Variants in ZFHX3 observed in about 807,000 individuals in gnomAD.
The protein encoded by ZFHX3 is zinc finger homeobox 3.
ZFHX3 carries 42 observed loss-of-function variants against 279.1 expected under a neutral mutation model. The observed-to-expected ratio is 0.15, with a 90% CI of 0.12 to 0.19. The LOEUF (loss-of-function observed/expected upper bound fraction) is 0.19, where lower values mean the gene tolerates loss of function less well. Ranked by LOEUF, ZFHX3 falls within the 10% of genes least tolerant of loss-of-function variation. ZFHX3 has a pLI of 1.00. For missense variants in ZFHX3, 4,981 were observed against 4,754.0 expected (o/e 1.05, Z -1.40); for synonymous variants, 2,293 against 1,957.8 (o/e 1.17, Z -4.52).
chr16:73,325,747 G>GA lies in ZFHX3; in HGVS notation c.-1290-7412dup, dbSNP rs142285994. ...TCACCTCCAAGAATGATACCGTTAG[G>GA]AAAAAAAAATCCAGCAATATCAAAG... is the stretch of plus-strand genomic sequence containing the variant. On this transcript the variant is annotated intron_variant, in intron 3 of 17. Transcript: ENST00000641206. Among the ~76,000 whole-genome samples the GA allele has an allele frequency of 6.1e-3, 924 of 150,854 alleles. 6 individuals are homozygous for GA. The highest frequency in any genetic ancestry group is 0.041 in the Middle Eastern group (12 of 294).
chr16:72,905,251 T>C (rs1429108060), intron 3 of ZFHX3, among the ~76,000 whole-genome samples: 6 of 152,178 alleles, frequency 3.9e-5, no homozygotes, highest in Non-Finnish European at 7.3e-5. Flanking sequence ...CTAATATTTA[T>C]TGCTTGTTTA....
At chr16:73,726,011 G>A (rs969801096) in intron 1 of ZFHX3, among the ~76,000 whole-genome samples, 10 of 152,240 alleles carry the variant, frequency 6.6e-5, no homozygotes, top group Non-Finnish European at 1.3e-4. Flanking sequence ...TCAAGGGGAG[G>A]GTAGACAGGT....
At chr16:72,877,285 C>G (rs556115816) in intron 4 of ZFHX3, among the ~76,000 whole-genome samples, 1 of 152,188 alleles carries the variant, frequency 6.6e-6, no homozygotes, top group African/African-American at 2.4e-5. Context: ...CCTCAAGAAT[C>G]GGATAATGAC....
chr16:72,801,418 C>T (rs951261097), intron 7 of ZFHX3, among the ~76,000 whole-genome samples: 2 of 152,120 alleles, frequency 1.3e-5, no homozygotes, highest in African/African-American at 4.8e-5. Flanking sequence ...CAGCCTTGCT[C>T]AAAATAGCTA....
intron 1 of ZFHX3, among the ~76,000 whole-genome samples, chr16:73,024,848 C>T (rs953947958): frequency 2.6e-5 from 4 of 152,178 alleles, no homozygotes; most frequent in African/African-American, 9.7e-5. Flanking sequence ...TCTGGCTGTG[C>T]CGGATCCCAC....
chr16:73,130,758 C>A (rs970675353), intron 7 of ZFHX3, among the ~76,000 whole-genome samples: 13 of 152,202 alleles, frequency 8.5e-5, no homozygotes, highest in African/African-American at 2.4e-4. Flanking sequence ...CAGGCACCTG[C>A]CACCAAGCCT....
At chr16:72,967,909 C>G (rs1332592320) in intron 1 of ZFHX3, among the ~76,000 whole-genome samples, 6 of 136,004 alleles carry the variant, frequency 4.4e-5, no homozygotes, top group South Asian at 2.4e-4. Flanking sequence ...TCCTGGGTGA[C>G]AGAGAGAGAC....
intron 1 of ZFHX3, among the ~76,000 whole-genome samples, chr16:73,738,382 G>C (rs2053626380): frequency 6.6e-6 from 1 of 152,214 alleles, no homozygotes; most frequent in Non-Finnish European, 1.5e-5. Context: ...CGACTAAAAT[G>C]AGCTGAAGCC....
At chr16:73,807,766 C>T (rs1018947787) in intron 1 of ZFHX3, among the ~76,000 whole-genome samples, 1 of 151,744 alleles carries the variant, frequency 6.6e-6, no homozygotes, top group African/African-American at 2.4e-5. Flanking sequence ...CCACTGCACC[C>T]AGCCAAAGTA....
At chr16:73,175,381 A>AAAAC (rs111246395) in intron 5 of ZFHX3, among the ~76,000 whole-genome samples, 43,890 of 150,412 alleles carry the variant, frequency 0.29, 6,717 homozygotes, top group East Asian at 0.46. Flanking sequence ...CTATGTCTCC[A>AAAAC]AAACAAACAA....
At chr16:72,900,692 T>C (rs530393569) in intron 3 of ZFHX3, among the ~76,000 whole-genome samples, 2 of 152,308 alleles carry the variant, frequency 1.3e-5, no homozygotes, top group Admixed American at 6.5e-5. Flanking sequence ...CTGGGAGGCA[T>C]GCTACGCCCT....
At chr16:73,732,683 T>A (rs1005076451) in intron 1 of ZFHX3, among the ~76,000 whole-genome samples, 4 of 152,254 alleles carry the variant, frequency 2.6e-5, no homozygotes, top group African/African-American at 9.6e-5. Flanking sequence ...TGTTAGCCTG[T>A]ATCTCTTTTC....
Position 72,896,790 on chromosome 16 carries a change from G to C in ZFHX3, c.3217-6828C>G, listed in dbSNP as rs139216139. 3.9e-3 allele frequency among the ~76,000 whole-genome samples: 601 copies of C among 152,304 alleles called. 1 individual carries two copies. Among genetic ancestry groups the C allele is most frequent in the Admixed American group, 8.8e-3 (135 of 15,304 alleles). ...AAACTTCTAACATCTGGTTCCTCAT[G>C]CATGGAATGCAAAATATTGATCAGG... On this transcript the variant is annotated intron_variant, in intron 3 of 9. Coordinates refer to ENST00000268489, the MANE Select transcript of ZFHX3 (RefSeq NM_006885.4).
chr16:73,237,461 A>G (rs1477878472), intron 5 of ZFHX3, among the ~76,000 whole-genome samples: 1 of 145,596 alleles, frequency 6.9e-6, no homozygotes, highest in Non-Finnish European at 1.5e-5. Context: ...CTGGACTGAG[A>G]CTCCTGCCCT....
rs1036157650 is a variant in ZFHX3, at chr16:73,413,788, G to C, written c.-1291+42215C>G. ...ATTTGATTTGGAAATTTTTCTACAC[G>C]TATGTAATGAGTTCAAGGTCAAAGA... On this transcript the variant is annotated intron_variant, in intron 3 of 17. Coordinates refer to the ZFHX3 transcript ENST00000641206. Among the ~76,000 whole-genome samples the C allele has an allele frequency of 2.4e-4, 36 of 152,148 alleles. 1 individual carries two copies. Among genetic ancestry groups the C allele is most frequent in the Admixed American group, 2.3e-3 (35 of 15,274 alleles).
chr16:73,691,574 C>T (rs1418655464), intron 1 of ZFHX3, among the ~76,000 whole-genome samples: 1 of 152,140 alleles, frequency 6.6e-6, no homozygotes, highest in East Asian at 1.9e-4. Context: ...TATCATATAT[C>T]AAATATTGTA....
chr16:72,867,278 G>C (rs968759243), intron 4 of ZFHX3, among the ~76,000 whole-genome samples: 1 of 152,174 alleles, frequency 6.6e-6, no homozygotes, highest in Non-Finnish European at 1.5e-5. Flanking sequence ...ACTCTGAGTG[G>C]TTACACAAAA....
At chr16:73,214,774 C>T (rs757105314) in intron 5 of ZFHX3, among the ~76,000 whole-genome samples, 3 of 151,794 alleles carry the variant, frequency 2.0e-5, no homozygotes, top group Non-Finnish European at 2.9e-5. Flanking sequence ...AGTTTCTCAT[C>T]CCTGCCAGCT....
chr16:73,569,207 C>A (rs945918632), intron 2 of ZFHX3, among the ~76,000 whole-genome samples: 11 of 152,118 alleles, frequency 7.2e-5, no homozygotes, highest in African/African-American at 2.4e-4. Flanking sequence ...TCCTTTCAGA[C>A]AGAAACCTTT....
Sources: gnomAD v4.1 joint callset for allele counts (sites outside exome capture counted in the v4.1 genomes callset) on GRCh38, gnomAD v4.1.1 for gene constraint, MANE v1.5 for transcripts, NCBI Gene and HGNC (gene_info 2026-07-23, HGNC 2026-07-21) for gene names.